Variants in SMAD2 observed in about 807,000 individuals in gnomAD.
SMAD2 encodes SMAD family member 2.
Under a neutral mutation model 64.4 loss-of-function variants are expected in SMAD2, and 8 were observed. That is an observed-to-expected ratio of 0.12 (90% confidence interval 0.07 to 0.22). The LOEUF (loss-of-function observed/expected upper bound fraction) is 0.22. Ranked by LOEUF, SMAD2 falls within the 10% of genes least tolerant of loss-of-function variation. The pLI, the probability that SMAD2 is intolerant of heterozygous loss-of-function variation, is 1.00. For missense variants in SMAD2, 289 were observed against 561.2 expected, an observed-to-expected ratio of 0.51 and a Z score of 4.90; for synonymous variants, 203 against 195.8, an observed-to-expected ratio of 1.04 and a Z score of -0.31.
At chr18:47,903,409 C>T (rs1165643852) in intron 1 of SMAD2, among the ~76,000 whole-genome samples, 1 of 152,066 alleles carries the variant, frequency 6.6e-6, no homozygotes, top group Admixed American at 6.6e-5. Flanking sequence ...AAGGAATTGA[C>T]AGCTGAGCTA....
chr18:47,893,297 G>A (rs1359572707), intron 2 of SMAD2, among the ~76,000 whole-genome samples: 1 of 152,078 alleles, frequency 6.6e-6, no homozygotes, highest in Admixed American at 6.6e-5. Flanking sequence ...GGAGTGGGAG[G>A]GACACAAAGC....
At chr18:47,926,492 C>A (rs997628485) in intron 1 of SMAD2, among the ~76,000 whole-genome samples, 16 of 152,154 alleles carry the variant, frequency 1.1e-4, no homozygotes, top group Admixed American at 6.5e-5. Context: ...AGACACTAGG[C>A]TAACATCCTA....
At chr18:47,911,403 C>T (rs558066014) in intron 1 of SMAD2, among the ~76,000 whole-genome samples, 25 of 151,546 alleles carry the variant, frequency 1.6e-4, no homozygotes, top group African/African-American at 5.1e-4. Flanking sequence ...ATCATACTCA[C>T]GCCCCTCGAA....
At chr18:47,892,297 T>G (rs902385600) in intron 2 of SMAD2, among the ~76,000 whole-genome samples, 8 of 151,980 alleles carry the variant, frequency 5.3e-5, no homozygotes, top group African/African-American at 1.9e-4. Context: ...CCTCCTGGGT[T>G]CAAGCAATTC....
At chr18:47,892,266 C>A (rs1340649098) in intron 2 of SMAD2, among the ~76,000 whole-genome samples, 1 of 148,486 alleles carries the variant, frequency 6.7e-6, no homozygotes, top group East Asian at 1.9e-4. Context: ...GTGGCTCAAT[C>A]TGGGCTCACC....
chr18:47,913,577 T>C (rs927095620), intron 1 of SMAD2, among the ~76,000 whole-genome samples: 1 of 152,220 alleles, frequency 6.6e-6, no homozygotes. Context: ...ATGCTGATAA[T>C]ACATCTTCAA....
intron 6 of SMAD2, among the ~76,000 whole-genome samples, chr18:47,852,606 G>A (rs1568045693): frequency 1.3e-5 from 2 of 152,112 alleles, no homozygotes; most frequent in Non-Finnish European, 2.9e-5. Flanking sequence ...TTAAAAGTTT[G>A]GTAGAATTCT....
Position 47,825,252 on chromosome 18 carries a change from A to G in SMAD2, c.*16575T>C, listed in dbSNP as rs979408061. ...TGAGCACTGCTATGGTCTGTCTCCCAAACTGTCCCTCAAATGTATGATGAG... is the reference window on the plus strand; with the variant it reads ...TGAGCACTGCTATGGTCTGTCTCCCGAACTGTCCCTCAAATGTATGATGAG... On this transcript the variant is annotated 3_prime_UTR_variant, in exon 11 of 11. Transcript: ENST00000262160. 1.3e-5 allele frequency: 2 copies of G among 152,234 alleles called. No homozygotes were observed. Among genetic ancestry groups the G allele is most frequent in the Non-Finnish European group, 2.9e-5 (2 of 68,046 alleles). 9.4% of individuals were successfully genotyped at this position (152,234 alleles called of 1,614,324 possible). A position where few individuals can be genotyped will look rare whatever the true frequency, so the allele number is the denominator to read the frequency against.
chr18:47,918,770 A>C (rs769451142), intron 1 of SMAD2, among the ~76,000 whole-genome samples: 1 of 152,216 alleles, frequency 6.6e-6, no homozygotes, highest in East Asian at 1.9e-4. Flanking sequence ...AAAAATCAAT[A>C]GAAGTGCTAG....
chr18:47,865,953 T>C (rs1037850325), intron 5 of SMAD2, among the ~76,000 whole-genome samples: 2 of 152,184 alleles, frequency 1.3e-5, no homozygotes, highest in Admixed American at 1.3e-4. Context: ...TCATCAGTTT[T>C]ACATTTACAC....
chr18:47,878,892 T>C (rs2032421079), intron 2 of SMAD2, among the ~76,000 whole-genome samples: 1 of 152,200 alleles, frequency 6.6e-6, no homozygotes, highest in African/African-American at 2.4e-5. Flanking sequence ...AACCTCTCTA[T>C]CCATCCCTTA....
At chr18:47,926,979 C>T (rs1166365006) in intron 1 of SMAD2, among the ~76,000 whole-genome samples, 1 of 152,144 alleles carries the variant, frequency 6.6e-6, no homozygotes, top group Non-Finnish European at 1.5e-5. Flanking sequence ...AACTGAGAAA[C>T]AAAATATTAG....
intron 10 of SMAD2, among the ~76,000 whole-genome samples, chr18:47,842,621 G>A (rs1258812858): frequency 6.6e-6 from 1 of 152,142 alleles, no homozygotes; most frequent in Non-Finnish European, 1.5e-5. Context: ...TAAAGTAACT[G>A]TACTTACCAA....
rs537434894 is a variant in SMAD2, at chr18:47,817,186, G to A, written c.*24641C>T. 1 of 152,374 alleles carries A rather than the reference G, an allele frequency of 6.6e-6. No homozygotes were observed. Among genetic ancestry groups the A allele is most frequent in the Non-Finnish European group, 1.5e-5 (1 of 68,054 alleles). The allele number at this position is 152,374 out of a possible 1,614,324, so 9.4% of individuals were successfully genotyped here. On this transcript the variant is annotated 3_prime_UTR_variant, in exon 11 of 11. Coordinates refer to ENST00000262160, the MANE Select transcript of SMAD2 (RefSeq NM_005901.6). The stretch of plus-strand genomic sequence containing the variant: ...CCTGAAGTAGGACACATTTCAGAGA[G>A]AAGTGGTGATCTCAGAATCAGTATG...
rs189656534 is a variant in SMAD2, at chr18:47,841,964, T to C, written c.1281-14A>G. On this transcript the variant is annotated splice_polypyrimidine_tract_variant and intron_variant, in intron 10 of 10. Coordinates refer to ENST00000262160, the MANE Select transcript of SMAD2 (RefSeq NM_005901.6). The stretch of plus-strand genomic sequence containing the variant: ...ACCGTCTGCCTTCTGTTTAAAAGAA[T>C]ACAGGAAAATGATTATGAAATTCAA... 91 of 1,613,982 alleles carry C rather than the reference T, an allele frequency of 5.6e-5. 1 individual carries two copies. The African/African-American group carries it at 1.0e-3, about 18-fold the overall frequency.
At chr18:47,901,182 G>A (rs1598863813) in intron 1 of SMAD2, among the ~76,000 whole-genome samples, 1 of 152,216 alleles carries the variant, frequency 6.6e-6, no homozygotes, top group South Asian at 2.1e-4. Flanking sequence ...GTTTATAGAT[G>A]TTTGGGCTAT....
intron 2 of SMAD2, among the ~76,000 whole-genome samples, chr18:47,876,114 C>T (rs2032247928): frequency 6.6e-6 from 1 of 151,940 alleles, no homozygotes; most frequent in Non-Finnish European, 1.5e-5. Context: ...AGACTACTTG[C>T]TATGTAAAAT....
At chr18:47,904,272 G>C (rs1342540573) in intron 1 of SMAD2, among the ~76,000 whole-genome samples, 2 of 149,746 alleles carry the variant, frequency 1.3e-5, no homozygotes, top group African/African-American at 4.9e-5. Context: ...CTTCAACTAT[G>C]ACGGGAGAGG....
chr18:47,860,868 G>A (rs914663324), intron 6 of SMAD2, among the ~76,000 whole-genome samples: 4 of 151,940 alleles, frequency 2.6e-5, no homozygotes, highest in Non-Finnish European at 5.9e-5. Flanking sequence ...GAACAAAAAG[G>A]AAAAAGAACT....
Sources: gnomAD v4.1 joint callset for allele counts (sites outside exome capture counted in the v4.1 genomes callset) on GRCh38, gnomAD v4.1.1 for gene constraint, MANE v1.5 for transcripts, NCBI Gene and HGNC (gene_info 2026-07-23, HGNC 2026-07-21) for gene names.